Variants in GPLD1 observed in about 807,000 individuals in gnomAD.
GPLD1 encodes phosphatidylinositol-glycan-specific phospholipase D.
In GPLD1, 84 loss-of-function variants were observed where a neutral mutation model predicts 112.6. The observed-to-expected ratio is 0.75, with a 90% CI of 0.63 to 0.89. The LOEUF is 0.89. Among genes scored for constraint, GPLD1 ranks in the 40% least tolerant of loss-of-function variants. The pLI, the probability that GPLD1 is intolerant of heterozygous loss-of-function variation, is 0.00. For synonymous variants in GPLD1, 386 were observed against 403.8 expected, an observed-to-expected ratio of 0.96 and a Z score of 0.53; for missense variants, 1,044 against 1,051.5, an observed-to-expected ratio of 0.99 and a Z score of 0.10.
chr6:24,428,931 C>T lies in GPLD1; in HGVS notation c.*101G>A. The T allele has an allele frequency of 1.4e-6, 1 of 710,112 alleles. No individual in the cohort carries two copies. Among genetic ancestry groups the T allele is most frequent in the Non-Finnish European group, 2.4e-6 (1 of 420,994 alleles). 44.0% of individuals were successfully genotyped at this position (710,112 alleles called of 1,614,324 possible). ...GAGCCCCATGTCTATCAGGATCTAC[C>T]ACCGCTCCACTGGATGTGCCACTTT... On this transcript the variant is annotated 3_prime_UTR_variant, in exon 25 of 25. Coordinates refer to ENST00000230036, the MANE Select transcript of GPLD1 (RefSeq NM_001503.4).
rs540431522 is a variant in GPLD1, at chr6:24,438,034, G to C, written c.2021-745C>G. Among the ~76,000 whole-genome samples the C allele has an allele frequency of 2.6e-5, 4 of 152,338 alleles. No homozygotes were observed. The South Asian group carries it at 8.3e-4, about 32-fold the overall frequency. ...GCTGGGGCCCACAAAACATGGGCAA[G>C]TGATTGTGTCCTGACCCCAGGACCT... On this transcript the variant is annotated intron_variant, in intron 20 of 24. Transcript: ENST00000230036.
chr6:24,433,054 G>A, intron 24 of GPLD1, 133 bp downstream of exon 24: 2 of 759,836 alleles, frequency 2.6e-6, no homozygotes, highest in Non-Finnish European at 2.4e-6. Flanking sequence ...GATTATATGT[G>A]AATGTTACTT....
chr6:24,467,372 T>G, intron 7 of GPLD1, 98 bp from the exon 8 acceptor site: 1 of 728,326 alleles, frequency 1.4e-6, no homozygotes, highest in Non-Finnish European at 2.4e-6. Flanking sequence ...GATTATTTTG[T>G]GCCAGGCACC....
chr6:24,474,456 G>C (rs1194205247), intron 5 of GPLD1, among the ~76,000 whole-genome samples: 1 of 152,116 alleles, frequency 6.6e-6, no homozygotes, highest in Non-Finnish European at 1.5e-5. Context: ...CAATAAAGTA[G>C]AAGTATTACT....
chr6:24,442,774 TCTCA>T (rs1440847801), intron 20 of GPLD1, among the ~76,000 whole-genome samples: 3 of 151,804 alleles, frequency 2.0e-5, no homozygotes, highest in African/African-American at 7.3e-5. Context: ...AGAGACAGGG[TCTCA>T]CTGTGTTGCC....
chr6:24,446,620 C>T (rs1437782384), intron 18 of GPLD1, among the ~76,000 whole-genome samples: 4 of 152,260 alleles, frequency 2.6e-5, no homozygotes, highest in South Asian at 2.1e-4. Flanking sequence ...TGATCTTGGA[C>T]GTCTAGCTTC....
chr6:24,476,210 G>C lies in GPLD1; in HGVS notation c.301C>G (p.Arg101Gly). Residue 101 changes from arginine (R) to glycine (G), a missense_variant, in exon 4 of 25, where the codon CGA (arginine) becomes GGA (glycine). By Grantham distance (125) the Arg-to-Gly change is moderately radical. Coordinates refer to ENST00000230036, the MANE Select transcript of GPLD1 (RefSeq NM_001503.4). ...TCCCAGGGAAGGGGATAGTTCTCTC[G>C]GATATAATGAACGCTTGCATTAAGA... ...PFLNASVHYI[R>G]ENYPLPWEKD... The C allele has an allele frequency of 6.4e-7, 1 of 1,568,140 alleles. No homozygotes were observed. The highest frequency in any genetic ancestry group is 8.7e-7 in the Non-Finnish European group (1 of 1,149,646).
intron 20 of GPLD1, among the ~76,000 whole-genome samples, 156 bp downstream of exon 20, chr6:24,445,390 A>C (rs1042928007): frequency 6.6e-6 from 1 of 151,802 alleles, no homozygotes. Flanking sequence ...GAGGTTAAGT[A>C]ACTTCCCCAA....
At position 24,448,114 on chromosome 6, in the gene GPLD1, G is replaced by A. The variant is rs189800719; in HGVS notation, c.1521+20C>T. Reference sequence around the variant, plus strand: ...CAGCGAGTTCTAGGTTTCTGCACCTGGCTAAAGTGGTAAACATACCTGGCA... The same window carrying A: ...CAGCGAGTTCTAGGTTTCTGCACCTAGCTAAAGTGGTAAACATACCTGGCA... On this transcript the variant is annotated intron_variant, in intron 16 of 24. Transcript: ENST00000230036. 6.8e-6 allele frequency: 11 copies of A among 1,610,784 alleles called. No individual in the cohort carries two copies. Among genetic ancestry groups the A allele is most frequent in the Non-Finnish European group, 9.3e-6 (11 of 1,177,972 alleles).
intron 17 of GPLD1, 149 bp downstream of exon 17, chr6:24,447,728 G>A (rs1762956987): frequency 2.6e-6 from 2 of 755,558 alleles, no homozygotes; most frequent in South Asian, 1.9e-5. Context: ...CACATCACTT[G>A]CCAACACATC....
chr6:24,491,865 CT>C (rs1764567814), upstream of GPLD1, among the ~76,000 whole-genome samples: 1 of 152,066 alleles, frequency 6.6e-6, no homozygotes, highest in South Asian at 2.1e-4. Flanking sequence ...TGAATATGGT[CT>C]TTATATGACA....
At chr6:24,425,542 TTATAC>T (rs1471418493), downstream of GPLD1, 1 of 152,258 alleles carries the variant, frequency 6.6e-6, no homozygotes, top group Non-Finnish European at 1.5e-5. Context: ...AGGATGCTTC[TTATAC>T]TAAAGTTCTC....
At position 24,445,587 on chromosome 6, in the gene GPLD1, C is replaced by T. The variant is rs1210810532; in HGVS notation, c.1979G>A (p.Gly660Glu). The T allele has an allele frequency of 6.2e-7, 1 of 1,613,986 alleles. No homozygotes were observed. The highest frequency in any genetic ancestry group is 8.5e-7 in the Non-Finnish European group (1 of 1,179,920). Residue 660 changes from glycine to glutamate, a missense_variant, in exon 20 of 25, where the codon GGG becomes GAG. Gly to Glu is a moderately conservative substitution (Grantham distance 98). Coordinates refer to ENST00000230036, the MANE Select transcript of GPLD1 (RefSeq NM_001503.4). ...AACCAGCAGCACTTGTTTCAGAGTC[C>T]CATTCATCAGTACGTGGCCACTGGA... The part of the protein sequence containing the change: ...SLSSGHVLMN[G>E]TLKQVLLVGA...
At chr6:24,480,495 G>A (rs561648421) in intron 2 of GPLD1, among the ~76,000 whole-genome samples, 26 of 145,868 alleles carry the variant, frequency 1.8e-4, no homozygotes, top group Middle Eastern at 3.5e-3. Flanking sequence ...GCCCACAGCT[G>A]GTTTTTTATA....
chr6:24,430,764 T>C (rs571829084), intron 24 of GPLD1, among the ~76,000 whole-genome samples: 1 of 152,294 alleles, frequency 6.6e-6, no homozygotes, highest in Non-Finnish European at 1.5e-5. Context: ...AATGCCCATT[T>C]TTGAAACATA....
Position 24,429,078 on chromosome 6 carries a change from G to T in GPLD1, c.2477C>A (p.Ala826Asp). The change falls in exon 25 of 25, where the codon GCC becomes GAC. Residue 826 changes from alanine to aspartate, a missense_variant. Physicochemically the swap from Ala to Asp is moderately radical, Grantham distance 126. Transcript: ENST00000230036. ...GACGTGAAGTGCCCCGGAGAGTCGG[G>T]CTCCCAAAGAACTCCTTCCAGCAGC... ...VIAAGRSSLGARLSGALHVYS... is the reference protein window; with the variant it reads ...VIAAGRSSLGDRLSGALHVYS... 6.2e-7 allele frequency: 1 copy of T among 1,613,624 alleles called. No individual in the cohort carries two copies.
chr6:24,483,969 G>T (rs1336700504), intron 2 of GPLD1, among the ~76,000 whole-genome samples: 5 of 151,994 alleles, frequency 3.3e-5, no homozygotes, highest in Admixed American at 6.5e-5. Context: ...GGAATGGAGC[G>T]CAGCAGTGCG....
At position 24,451,299 on chromosome 6, in the gene GPLD1, G is replaced by A. The variant is rs1320327005; in HGVS notation, c.1336-1400C>T. Among the ~76,000 whole-genome samples the A allele has an allele frequency of 2.0e-5, 3 of 152,102 alleles. No individual in the cohort carries two copies. In the East Asian group the frequency reaches 5.8e-4, roughly 29 times the overall value. Reference sequence around the variant, plus strand: ...TACCGTCTGGAATCAGCCTAAACCTGAAAGTAATTCACTGGGTTTTCCAAT... The same window carrying A: ...TACCGTCTGGAATCAGCCTAAACCTAAAAGTAATTCACTGGGTTTTCCAAT... On this transcript the variant is annotated intron_variant, in intron 14 of 24. Transcript: ENST00000230036.
At chr6:24,441,359 C>G (rs963077839) in intron 20 of GPLD1, among the ~76,000 whole-genome samples, 1 of 151,794 alleles carries the variant, frequency 6.6e-6, no homozygotes, top group East Asian at 1.9e-4. Flanking sequence ...TAATCTGTGC[C>G]TTATAGCTGT....
Sources: gnomAD v4.1 joint callset for allele counts (sites outside exome capture counted in the v4.1 genomes callset) on GRCh38, gnomAD v4.1.1 for gene constraint, MANE v1.5 for transcripts, NCBI Gene and HGNC (gene_info 2026-07-23, HGNC 2026-07-21) for gene names.